Variants in PSD3 observed in about 807,000 individuals in gnomAD.
PSD3 encodes the protein pleckstrin and Sec7 domain containing 3.
A neutral mutation model predicts 105.5 loss-of-function variants in PSD3; 49 were observed. The ratio of observed to expected loss-of-function variants is 0.46; its 90% CI spans 0.37 to 0.59. PSD3 has a LOEUF of 0.59. PSD3 is among the 20% of genes least tolerant of loss of function. The probability of loss-of-function intolerance (pLI) is 0.00; values close to 1 mark genes in which losing one functional copy is unlikely to be tolerated. For synonymous variants in PSD3, 557 were observed against 457.8 expected (o/e 1.22, Z -2.77); for missense variants, 1,561 against 1,263.8 (o/e 1.24, Z -3.57).
chr8:19,039,321 C>T (rs539354654), intron 1 of PSD3, among the ~76,000 whole-genome samples: 2 of 152,244 alleles, frequency 1.3e-5, no homozygotes, highest in South Asian at 4.2e-4. Flanking sequence ...CATTTCTGGG[C>T]TTCAGTTTTT....
chr8:18,791,666 T>C (rs1350803232), intron 8 of PSD3, among the ~76,000 whole-genome samples: 2 of 152,024 alleles, frequency 1.3e-5, no homozygotes, highest in African/African-American at 4.8e-5. Context: ...CACACAGACA[T>C]GGGCAAAAAT....
rs73582646 is a variant in PSD3, at chr8:18,872,877, A to C, written c.131-144T>G. On this transcript the variant is annotated intron_variant, in intron 2 of 15. Coordinates refer to ENST00000327040, the MANE Select transcript of PSD3 (RefSeq NM_015310.4). ...TATATCAGTCCTCCCACCACCCTGTAACACACACTCCTCATGACACTACAG... is the reference window on the plus strand; with the variant it reads ...TATATCAGTCCTCCCACCACCCTGTCACACACACTCCTCATGACACTACAG... 6.9e-3 allele frequency: 5,373 copies of C among 784,026 alleles called. 198 individuals carry two copies. The African/African-American group carries it at 0.084, about 12-fold the overall frequency. The allele number at this position is 784,026 out of a possible 1,614,324, so 48.6% of individuals were successfully genotyped here. A position where few individuals can be genotyped will look rare whatever the true frequency, so the allele number is the denominator to read the frequency against.
At chr8:18,932,164 C>G (rs1821792456) in intron 2 of PSD3, among the ~76,000 whole-genome samples, 1 of 152,218 alleles carries the variant, frequency 6.6e-6, no homozygotes, top group Non-Finnish European at 1.5e-5. Flanking sequence ...ATTCGATTTC[C>G]AGTACAACTC....
chr8:18,772,007 C>T (rs1807584641), intron 8 of PSD3, among the ~76,000 whole-genome samples: 1 of 152,230 alleles, frequency 6.6e-6, no homozygotes, highest in Non-Finnish European at 1.5e-5. Flanking sequence ...TGGCTTATTT[C>T]ACTTAGCATA....
In PSD3 at chr8:18,633,068, C is replaced by T. The variant is rs116070712; in HGVS notation, c.2217-262G>A. Among the ~76,000 whole-genome samples the T allele has an allele frequency of 3.1e-3, 475 of 152,000 alleles. 5 individuals are homozygous for T. The highest frequency in any genetic ancestry group is 0.011 in the African/African-American group (466 of 41,478). Reference sequence around the variant, plus strand: ...CTCAGTGAGTTTAAATGTACAAGGCCACAGATTTAGTGATGAACAGATAAT... The same window carrying T: ...CTCAGTGAGTTTAAATGTACAAGGCTACAGATTTAGTGATGAACAGATAAT... On this transcript the variant is annotated intron_variant, in intron 10 of 15. Coordinates refer to ENST00000327040, the MANE Select transcript of PSD3 (RefSeq NM_015310.4).
chr8:18,937,519 C>A (rs1822217896), intron 1 of PSD3, among the ~76,000 whole-genome samples: 1 of 151,956 alleles, frequency 6.6e-6, no homozygotes, highest in African/African-American at 2.4e-5. Context: ...CCACTGGAGA[C>A]AGGTTCAGGG....
rs555240220 is a variant in PSD3 at position 18,958,730 on chromosome 8, T to C, written c.22-22588A>G. ...GGTTAGCAGAATACATGCATAAAAT[T>C]ATATGCAATAAATGTGAATGTCAAT... On this transcript the variant is annotated intron_variant, in intron 1 of 15. Coordinates refer to ENST00000327040, the MANE Select transcript of PSD3 (RefSeq NM_015310.4). Among the ~76,000 whole-genome samples, 5 of 152,236 alleles carry C rather than the reference T, an allele frequency of 3.3e-5. No homozygotes were observed. In the South Asian group the frequency reaches 1.0e-3, roughly 32 times the overall value.
chr8:18,995,542 T>G (rs1826031989), intron 1 of PSD3, among the ~76,000 whole-genome samples: 1 of 151,954 alleles, frequency 6.6e-6, no homozygotes, highest in Non-Finnish European at 1.5e-5. Context: ...CAGGAAGTAT[T>G]ACCCTAAGAT....
intron 8 of PSD3, among the ~76,000 whole-genome samples, chr8:18,784,544 G>C (rs949780864): frequency 6.6e-6 from 1 of 152,214 alleles, no homozygotes; most frequent in African/African-American, 2.4e-5. Context: ...GTGTCAATTG[G>C]TAGCAGTGGG....
intron 14 of PSD3, among the ~76,000 whole-genome samples, chr8:18,558,114 A>G (rs1198682136): frequency 6.6e-6 from 1 of 152,194 alleles, no homozygotes; most frequent in African/African-American, 2.4e-5. Context: ...TGGATTTCCC[A>G]TCTCCAGAAC....
chr8:18,816,102 A>G (rs1812202721), intron 4 of PSD3, among the ~76,000 whole-genome samples: 1 of 152,202 alleles, frequency 6.6e-6, no homozygotes, highest in Admixed American at 6.5e-5. Flanking sequence ...ATCTGGGGCT[A>G]TGGGATTAAC....
chr8:18,561,193 C>T (rs375654455), intron 14 of PSD3, among the ~76,000 whole-genome samples: 2 of 152,272 alleles, frequency 1.3e-5, no homozygotes, highest in African/African-American at 4.8e-5. Context: ...TTGGCTGCAG[C>T]ATTATTCACA....
intron 4 of PSD3, among the ~76,000 whole-genome samples, chr8:18,807,700 TC>T (rs570819596): frequency 2.8e-3 from 419 of 152,304 alleles, no homozygotes; most frequent in Middle Eastern, 6.8e-3. Context: ...TTGAACAGTT[TC>T]CCAATACACA....
chr8:18,960,750 A>AATTT (rs970103396), intron 1 of PSD3, among the ~76,000 whole-genome samples: 21 of 152,224 alleles, frequency 1.4e-4, no homozygotes, highest in East Asian at 5.8e-4. Context: ...GGAAAACAGC[A>AATTT]ATTTATTTAT....
chr8:18,662,607 G>A (rs1585541393), intron 9 of PSD3, among the ~76,000 whole-genome samples: 1 of 152,112 alleles, frequency 6.6e-6, no homozygotes, highest in South Asian at 2.1e-4. Flanking sequence ...CAATTTACCT[G>A]GCCCTCATTT....
At chr8:18,677,854 C>CAAAA (rs1800149173) in intron 9 of PSD3, among the ~76,000 whole-genome samples, 1 of 151,736 alleles carries the variant, frequency 6.6e-6, no homozygotes, top group Admixed American at 6.6e-5. Context: ...ACTAAAAATA[C>CAAAA]AAAAAATTAG....
chr8:18,559,133 C>T (rs1367990993), intron 14 of PSD3, among the ~76,000 whole-genome samples: 1 of 152,040 alleles, frequency 6.6e-6, no homozygotes, highest in African/African-American at 2.4e-5. Context: ...AAGAGTTTTT[C>T]TATAGTGTGT....
At chr8:18,574,932 G>A (rs956097907) in intron 13 of PSD3, among the ~76,000 whole-genome samples, 196 bp downstream of exon 13, 8 of 151,648 alleles carry the variant, frequency 5.3e-5, no homozygotes, top group African/African-American at 1.7e-4. Flanking sequence ...CTTTGTAACA[G>A]GTAAAAATGT....
At chr8:18,717,710 T>C (rs980907470) in intron 9 of PSD3, among the ~76,000 whole-genome samples, 3 of 152,250 alleles carry the variant, frequency 2.0e-5, no homozygotes, top group Non-Finnish European at 4.4e-5. Flanking sequence ...TCCTGACTTT[T>C]TGACTCAGTT....
Sources: allele counts gnomAD v4.1 joint callset (sites outside exome capture counted in the v4.1 genomes callset), GRCh38; gene constraint gnomAD v4.1.1; transcripts MANE v1.5; gene names NCBI Gene and HGNC (gene_info 2026-07-23, HGNC 2026-07-21).